ATP11A: variants seen among roughly 807,000 people sequenced by gnomAD.
ATP11A encodes the protein phospholipid-transporting ATPase IH.
A neutral mutation model predicts 154.4 loss-of-function variants in ATP11A; 81 were observed. That is an observed-to-expected ratio of 0.52 (90% CI 0.44 to 0.63). The LOEUF (loss-of-function observed/expected upper bound fraction) is 0.63, where lower values mean the gene tolerates loss of function less well. Among genes scored for constraint, ATP11A ranks in the 30% least tolerant of loss-of-function variants. The pLI, the probability that ATP11A is intolerant of heterozygous loss-of-function variation, is 0.00. For synonymous variants in ATP11A, 623 were observed against 585.9 expected (o/e 1.06, Z -0.91); for missense variants, 1,316 against 1,474.3 (o/e 0.89, Z 1.76).
At chr13:112,828,149 A>C (rs1194745650) in intron 12 of ATP11A, among the ~76,000 whole-genome samples, 1 of 131,566 alleles carries the variant, frequency 7.6e-6, no homozygotes. Context: ...TAGGGGGGAA[A>C]GCGCCCAGCA....
At chr13:112,842,410 C>A (rs770806924) in intron 17 of ATP11A, 31 bp downstream of exon 17, 15 of 1,478,806 alleles carry the variant, frequency 1.0e-5, no homozygotes, top group Non-Finnish European at 1.3e-5. Flanking sequence ...GGCCTCGTGG[C>A]GGTCAGCTCC....
At chr13:112,804,655 G>C (rs919815632) in intron 2 of ATP11A, among the ~76,000 whole-genome samples, 2 of 151,316 alleles carry the variant, frequency 1.3e-5, no homozygotes, top group Non-Finnish European at 2.9e-5. Flanking sequence ...AATGTGTTGA[G>C]TTAATGATCA....
chr13:112,878,252 C>A lies in ATP11A; in HGVS notation c.3363C>A (p.Thr1121=), dbSNP rs2080789191. 5 of 1,614,230 alleles carry A rather than the reference C, an allele frequency of 3.1e-6. No homozygotes were observed. The highest frequency in any genetic ancestry group is 4.2e-6 in the Non-Finnish European group (5 of 1,180,046). The part of the protein sequence containing the change: ...KSQCLSVEQS[T]IFMLSQTSSS... ...AGTGCCTTTCTGTCGAGCAGTCAAC[C>A]ATCTTTATGCTTTCTCAGACTTCCA... The change falls in exon 29 of 30, where the codon ACC becomes ACA. Residue 1121 remains threonine (T), a synonymous_variant. Coordinates refer to ENST00000375645, the MANE Select transcript of ATP11A (RefSeq NM_015205.3).
intron 16 of ATP11A, among the ~76,000 whole-genome samples, chr13:112,839,331 G>T (rs141507490): frequency 6.6e-6 from 1 of 152,028 alleles, no homozygotes; most frequent in Non-Finnish European, 1.5e-5. Flanking sequence ...AGATGAAAGA[G>T]AAGGAAAGTC....
At chr13:112,821,891 G>C (rs1270003571) in intron 8 of ATP11A, among the ~76,000 whole-genome samples, 2 of 152,206 alleles carry the variant, frequency 1.3e-5, no homozygotes, top group African/African-American at 2.4e-5. Context: ...GAAGCTGACA[G>C]TCCTTATAAC....
chr13:112,864,999 G>T (rs1449267495), intron 25 of ATP11A, among the ~76,000 whole-genome samples: 1 of 149,416 alleles, frequency 6.7e-6, no homozygotes, highest in Non-Finnish European at 1.5e-5. Flanking sequence ...TGCAGCCCGC[G>T]CAGCTTCCCA....
chr13:112,859,524 G>C lies in ATP11A; in HGVS notation c.2727+72G>C. The C allele has an allele frequency of 7.6e-7, 1 of 1,320,150 alleles. No individual in the cohort carries two copies. The highest frequency in any genetic ancestry group is 1.2e-5 in the South Asian group (1 of 85,062). 81.8% of individuals were successfully genotyped at this position (1,320,150 alleles called of 1,614,324 possible). On this transcript the variant is annotated intron_variant, in intron 23 of 29. Transcript: ENST00000375645. The surrounding 1 kb of genome is among the most constrained non-coding windows in gnomAD (Gnocchi z 4.3). ...CTTCCCGCAGTGGGTGGCTGCTGTG[G>C]GGAGGGGAGACTTGGGAATGAGCAG...
chr13:112,777,361 T>A (rs930450889), intron 1 of ATP11A, among the ~76,000 whole-genome samples: 2 of 152,126 alleles, frequency 1.3e-5, no homozygotes, highest in African/African-American at 4.8e-5. Context: ...GTCAGGAGTT[T>A]GAGACCAGCC....
At position 112,854,306 on chromosome 13, in the gene ATP11A, C is replaced by T. The variant is rs751327463; in HGVS notation, c.2019C>T (p.Ile673=). 4.2e-5 allele frequency: 68 copies of T among 1,614,010 alleles called. No individual in the cohort carries two copies. The highest frequency in any genetic ancestry group is 5.3e-5 in the Non-Finnish European group (63 of 1,180,044). Residue 673 remains isoleucine (I), a synonymous_variant, in exon 19 of 30, where the codon ATC becomes ATT. Transcript: ENST00000375645. ...DRLQEKAADT[I]EALQKAGIKV... ...TGCAGGAGAAAGCTGCAGACACCAT[C>T]GAGGCCCTGCAGAAGGCCGGGATCA...
chr13:112,842,221 ATAATC>A, intron 16 of ATP11A, 50 bp from the exon 17 acceptor site: 2 of 1,367,924 alleles, frequency 1.5e-6, no homozygotes, highest in Admixed American at 2.0e-5. Flanking sequence ...ATTTTAAAAA[ATAATC>A]TAGTCTTCCC....
chr13:112,745,844 T>C (rs1040690954), intron 1 of ATP11A: 4 of 152,228 alleles, frequency 2.6e-5, no homozygotes, highest in African/African-American at 9.7e-5. Context: ...ATTGAGCACC[T>C]CCACATTGTC....
chr13:112,836,746 C>G (rs1340158407), intron 16 of ATP11A, among the ~76,000 whole-genome samples: 4 of 152,240 alleles, frequency 2.6e-5, no homozygotes, highest in African/African-American at 9.6e-5. Flanking sequence ...ACAGCACACT[C>G]GGTTCGTGCT....
chr13:112,718,687 TGAGA>T (rs1888792834), intron 1 of ATP11A, among the ~76,000 whole-genome samples: 3 of 146,554 alleles, frequency 2.0e-5, no homozygotes, highest in Non-Finnish European at 3.1e-5. Flanking sequence ...TTTTTTTTTT[TGAGA>T]CTGAGTTTCA....
chr13:112,721,847 T>C lies in ATP11A; in HGVS notation c.39+31392T>C, dbSNP rs563548732. ...TATGAGCAAAAAGAAGGAGACCACA[T>C]AGGAGCCAGGATGTGAGGGCGACCA... On this transcript the variant is annotated intron_variant, in intron 1 of 29. Transcript: ENST00000375645. Among the ~76,000 whole-genome samples, 13 of 152,242 alleles carry C rather than the reference T, an allele frequency of 8.5e-5. No individual in the cohort carries two copies. The South Asian group carries it at 2.7e-3, about 32-fold the overall frequency.
chr13:112,831,392 A>C lies in ATP11A; in HGVS notation c.1239A>C (p.Thr413=). The C allele has an allele frequency of 3.1e-6, 5 of 1,614,172 alleles. No homozygotes were observed. The highest frequency in any genetic ancestry group is 4.2e-6 in the Non-Finnish European group (5 of 1,179,994). The change falls in exon 13 of 30, where the codon ACA becomes ACC. Residue 413 remains threonine, a synonymous_variant. Transcript: ENST00000375645. ...GCCCGCAGGTGGAGTACATCTTCAC[A>C]GACAAGACCGGCACCCTCACGGAAA... The part of the protein sequence containing the change: ...EELGQVEYIF[T]DKTGTLTENN...
chr13:112,781,547 C>T (rs917817220), intron 1 of ATP11A, among the ~76,000 whole-genome samples: 5 of 152,086 alleles, frequency 3.3e-5, no homozygotes, highest in Non-Finnish European at 7.4e-5. Flanking sequence ...ATTTGACGGA[C>T]GCGTGGTGTG....
intron 1 of ATP11A, among the ~76,000 whole-genome samples, chr13:112,704,317 G>A (rs756467910): frequency 6.6e-6 from 1 of 152,228 alleles, no homozygotes; most frequent in Non-Finnish European, 1.5e-5. Flanking sequence ...GCTCTCAGTC[G>A]GTAGTTAGGG....
At chr13:112,858,380 G>A in intron 22 of ATP11A, 90 bp downstream of exon 22, 2 of 1,348,178 alleles carry the variant, frequency 1.5e-6, no homozygotes, top group South Asian at 1.5e-5. Flanking sequence ...GATGCCACAA[G>A]AGGTCATTGA....
In ATP11A at chr13:112,782,928, G is replaced by A. The variant is rs9577391; in HGVS notation, c.40-2207G>A. On this transcript the variant is annotated intron_variant, in intron 1 of 29. Coordinates refer to ENST00000375645, the MANE Select transcript of ATP11A (RefSeq NM_015205.3). ...CTGTCCCCAGGAGCATGGAAGCCTC[G>A]GCTCCCCGTGGAAACACTGGTTGAT... Among the ~76,000 whole-genome samples, 7 of 152,312 alleles carry A rather than the reference G, an allele frequency of 4.6e-5. No individual in the cohort carries two copies. In the East Asian group the frequency reaches 9.7e-4, roughly 21 times the overall value.
Sources: allele counts gnomAD v4.1 joint callset (sites outside exome capture counted in the v4.1 genomes callset), GRCh38; gene constraint gnomAD v4.1.1; non-coding constraint Gnocchi (gnomAD v3.1); transcripts MANE v1.5; gene names NCBI Gene and HGNC (gene_info 2026-07-23, HGNC 2026-07-21).